PDE8A: variants seen among roughly 807,000 people sequenced by gnomAD.
The protein encoded by PDE8A is high affinity cAMP-specific and IBMX-insensitive 3',5'-cyclic phosphodiesterase 8A.
A neutral mutation model predicts 105.0 loss-of-function variants in PDE8A; 59 were observed. That is an observed-to-expected ratio of 0.56 (90% CI 0.46 to 0.70). PDE8A has a LOEUF of 0.70. Among genes scored for constraint, PDE8A ranks in the 30% least tolerant of loss-of-function variants. The pLI is 0.00. For synonymous variants in PDE8A, 355 were observed against 371.9 expected, an observed-to-expected ratio of 0.95 and a Z score of 0.52; for missense variants, 1,014 against 1,045.9, an observed-to-expected ratio of 0.97 and a Z score of 0.42.
chr15:84,999,529 G>A (rs985823499), intron 1 of PDE8A, among the ~76,000 whole-genome samples: 2 of 151,800 alleles, frequency 1.3e-5, no homozygotes, highest in African/African-American at 4.8e-5. Flanking sequence ...ATGTGATGAT[G>A]AATAAGACAT....
chr15:85,099,779 T>C (rs578252909), intron 9 of PDE8A: 2 of 514,430 alleles, frequency 3.9e-6, no homozygotes, highest in African/African-American at 1.9e-5. Context: ...GATTGTCTCA[T>C]GATTAATTGG....
chr15:85,138,136 A>G lies in PDE8A; in HGVS notation c.*233A>G, dbSNP rs1306304866. 2.2e-5 allele frequency: 10 copies of G among 450,364 alleles called. No homozygotes were observed. The highest frequency in any genetic ancestry group is 3.6e-5 in the Non-Finnish European group (9 of 250,650). 27.9% of individuals were successfully genotyped at this position (450,364 alleles called of 1,614,324 possible). The stretch of plus-strand genomic sequence containing the variant: ...GGCCTGCTGCAGGAGCTCTTCAGAA[A>G]GGCACATGAGGACCACGGTTTGCCT... On this transcript the variant is annotated 3_prime_UTR_variant, in exon 22 of 22. Coordinates refer to ENST00000394553, the MANE Select transcript of PDE8A (RefSeq NM_002605.3).
chr15:85,136,704 AAT>A, intron 21 of PDE8A, 41 bp downstream of exon 21: 1 of 1,592,326 alleles, frequency 6.3e-7, no homozygotes. Context: ...TCCTCTAAAT[AAT>A]GGGGAACCGC....
At chr15:85,078,330 G>A (rs921999841) in intron 5 of PDE8A, among the ~76,000 whole-genome samples, 11 of 151,658 alleles carry the variant, frequency 7.3e-5, no homozygotes, top group Admixed American at 7.2e-4. Flanking sequence ...GGCAGATCAC[G>A]AGGTCAGGAG....
At chr15:84,995,048 C>T (rs1029290629) in intron 1 of PDE8A, among the ~76,000 whole-genome samples, 17 of 151,788 alleles carry the variant, frequency 1.1e-4, no homozygotes, top group African/African-American at 3.9e-4. Context: ...TTGATATTTG[C>T]TTAGGTTTTT....
At chr15:85,018,103 T>C (rs1256228192) in intron 1 of PDE8A, among the ~76,000 whole-genome samples, 1 of 152,156 alleles carries the variant, frequency 6.6e-6, no homozygotes, top group African/African-American at 2.4e-5. Flanking sequence ...AAGTAGATTG[T>C]AGAGCAACAG....
At chr15:85,081,043 A>G (rs1021558620) in intron 5 of PDE8A, among the ~76,000 whole-genome samples, 1 of 152,206 alleles carries the variant, frequency 6.6e-6, no homozygotes, top group Non-Finnish European at 1.5e-5. Context: ...AGAGTCTCTT[A>G]CTTTTGTGTG....
At chr15:84,996,353 A>G (rs1420110558) in intron 1 of PDE8A, among the ~76,000 whole-genome samples, 1 of 151,926 alleles carries the variant, frequency 6.6e-6, no homozygotes, top group Non-Finnish European at 1.5e-5. Context: ...GATTTTTAAA[A>G]TTTTTAAAAA....
At chr15:84,981,764 G>T (rs1448757631), upstream of PDE8A, among the ~76,000 whole-genome samples, 1 of 151,212 alleles carries the variant, frequency 6.6e-6, no homozygotes, top group African/African-American at 2.4e-5. Flanking sequence ...TCGTGCCGCA[G>T]CTCGGCGAGG....
At chr15:85,126,937 G>A (rs575123446) in intron 20 of PDE8A, among the ~76,000 whole-genome samples, 3 of 152,296 alleles carry the variant, frequency 2.0e-5, no homozygotes, top group South Asian at 2.1e-4. Context: ...CAGAAGACAC[G>A]GGAACATCTT....
intron 1 of PDE8A, among the ~76,000 whole-genome samples, chr15:85,042,203 GT>G (rs2080820919): frequency 6.6e-6 from 1 of 151,954 alleles, no homozygotes; most frequent in Non-Finnish European, 1.5e-5. Context: ...AGGGGACAGG[GT>G]CTTGTTCTGT....
At chr15:85,090,969 C>G in intron 7 of PDE8A, 75 bp from the exon 8 acceptor site, 5 of 1,365,938 alleles carry the variant, frequency 3.7e-6, no homozygotes, top group Admixed American at 2.1e-5. Context: ...GGGCTTAGGT[C>G]GAAGACCTTT....
chr15:85,063,489 C>G (rs138470588), intron 1 of PDE8A: 2 of 152,244 alleles, frequency 1.3e-5, no homozygotes, highest in East Asian at 1.9e-4. Flanking sequence ...TTCAGTCCCA[C>G]CTTCTCCCTT....
rs183683522 is a variant in PDE8A at position 85,018,311 on chromosome 15, A to G, written c.186+35963A>G. Among the ~76,000 whole-genome samples the G allele has an allele frequency of 4.8e-3, 737 of 152,322 alleles. 3 individuals are homozygous for G. The highest frequency in any genetic ancestry group is 8.0e-3 in the Non-Finnish European group (543 of 68,026). On this transcript the variant is annotated intron_variant, in intron 1 of 21. Coordinates refer to ENST00000394553, the MANE Select transcript of PDE8A (RefSeq NM_002605.3). The stretch of plus-strand genomic sequence containing the variant: ...TCAGGACAAGATGAGTCTATGCCAG[A>G]TGTAAGTCACCACACTCATTTACTG...
intron 1 of PDE8A, among the ~76,000 whole-genome samples, chr15:85,050,300 C>CA (rs2080952905): frequency 1.3e-5 from 2 of 152,186 alleles, no homozygotes; most frequent in South Asian, 4.2e-4. Context: ...TTTTTATGCA[C>CA]AAAATTTTAA....
chr15:85,115,625 G>C (rs1371578193), intron 15 of PDE8A, 138 bp downstream of exon 15: 2 of 573,550 alleles, frequency 3.5e-6, no homozygotes, highest in Non-Finnish European at 6.0e-6. Context: ...AGCTGTCCCT[G>C]AGGCGGTACT....
At position 85,126,336 on chromosome 15, in the gene PDE8A, G is replaced by A. The variant is rs762837628; in HGVS notation, c.2215G>A (p.Glu739Lys). 33 of 1,603,032 alleles carry A rather than the reference G, an allele frequency of 2.1e-5. No homozygotes were observed. The highest frequency in any genetic ancestry group is 5.1e-5 in the Admixed American group (3 of 59,266). The change falls in exon 20 of 22, where the codon GAG becomes AAG. Residue 739 changes from glutamate to lysine, a missense_variant. Transcript: ENST00000394553. ...CTGCCGACCCCTGCAGTACTGCATC[G>A]AGTGGGCTGCACGCATTTCGGAAGA... is the stretch of plus-strand genomic sequence containing the variant. ...NPCRPLQYCI[E>K]WAARISEEYF...
In PDE8A at chr15:85,126,382, G is replaced by T; in HGVS notation, c.2253+8G>T. 2 of 1,551,888 alleles carry T rather than the reference G, an allele frequency of 1.3e-6. No homozygotes were observed. Among genetic ancestry groups the T allele is most frequent in the Non-Finnish European group, 1.7e-6 (2 of 1,143,700 alleles). Reference sequence around the variant, plus strand: ...GAAGAATATTTTTCTCAGGTAAGTTGCTGCCTCTTTTAAGTTTCTAGAGAG... The same window carrying T: ...GAAGAATATTTTTCTCAGGTAAGTTTCTGCCTCTTTTAAGTTTCTAGAGAG... On this transcript the variant is annotated splice_region_variant and intron_variant, in intron 20 of 21. Transcript: ENST00000394553.
At chr15:85,126,889 C>G (rs1004023516) in intron 20 of PDE8A, among the ~76,000 whole-genome samples, 1 of 152,182 alleles carries the variant, frequency 6.6e-6, no homozygotes, top group African/African-American at 2.4e-5. Flanking sequence ...AACAGTGATT[C>G]TCATGTCCTC....
Sources: gnomAD v4.1 joint callset for allele counts (sites outside exome capture counted in the v4.1 genomes callset) on GRCh38, gnomAD v4.1.1 for gene constraint, MANE v1.5 for transcripts, NCBI Gene and HGNC (gene_info 2026-07-23, HGNC 2026-07-21) for gene names.